PPP4R4: variants seen among roughly 807,000 people sequenced by gnomAD.
The protein encoded by PPP4R4 is protein phosphatase 4 regulatory subunit 4.
A neutral mutation model predicts 121.8 loss-of-function variants in PPP4R4; 70 were observed. The ratio of observed to expected loss-of-function variants is 0.57; its 90% CI spans 0.47 to 0.70. The LOEUF (loss-of-function observed/expected upper bound fraction) is 0.70. PPP4R4 is among the 30% of genes least tolerant of loss of function. The pLI is 0.00. For missense variants in PPP4R4, 875 were observed against 1,033.6 expected (o/e 0.85, Z 2.10); for synonymous variants, 348 against 355.7 (o/e 0.98, Z 0.24).
chr14:94,174,355 C>G lies in PPP4R4; in HGVS notation c.-111C>G, dbSNP rs1888536607. 1 of 1,013,702 alleles carries G rather than the reference C, an allele frequency of 9.9e-7. No homozygotes were observed. Among genetic ancestry groups the G allele is most frequent in the East Asian group, 3.5e-5 (1 of 28,932 alleles). 62.8% of individuals were successfully genotyped at this position (1,013,702 alleles called of 1,614,324 possible). Reference sequence around the variant, plus strand: ...CGCCGCCTGGCAGCCTCACGCTCGGCTCCAGCGGCCAAGAGCCGGAGAAAG... The same window carrying G: ...CGCCGCCTGGCAGCCTCACGCTCGGGTCCAGCGGCCAAGAGCCGGAGAAAG... On this transcript the variant is annotated 5_prime_UTR_variant, in exon 1 of 25. Transcript: ENST00000304338.
In PPP4R4 at chr14:94,255,460, G is replaced by A. The variant is rs150979426; in HGVS notation, c.1866-1000G>A. Among the ~76,000 whole-genome samples, 1,005 of 152,218 alleles carry A rather than the reference G, an allele frequency of 6.6e-3. 12 individuals carry two copies. Among genetic ancestry groups the A allele is most frequent in the African/African-American group, 0.022 (899 of 41,534 alleles). On this transcript the variant is annotated intron_variant, in intron 16 of 24. Coordinates refer to ENST00000304338, the MANE Select transcript of PPP4R4 (RefSeq NM_058237.2). ...AAAAATACAAAAAGAAATTAGCCAG[G>A]CATGGTGGCGGGCACCTGTAGTCCC...
chr14:94,257,054 T>C (rs994055508), intron 17 of PPP4R4, among the ~76,000 whole-genome samples: 1 of 152,172 alleles, frequency 6.6e-6, no homozygotes, highest in Admixed American at 6.5e-5. Context: ...AAATATTGTG[T>C]CTACTTGAGA....
intron 7 of PPP4R4, among the ~76,000 whole-genome samples, chr14:94,235,775 A>G (rs536505705): frequency 6.6e-6 from 1 of 152,158 alleles, no homozygotes; most frequent in Non-Finnish European, 1.5e-5. Flanking sequence ...ATAAGAACTG[A>G]TCTCATTTCA....
chr14:94,227,706 T>G (rs1229878223), intron 3 of PPP4R4: 3 of 1,018,098 alleles, frequency 2.9e-6, no homozygotes, highest in South Asian at 4.5e-5. Context: ...CTTTAATGAC[T>G]TTAAGAGGGG....
rs768053231 is a variant in PPP4R4, at chr14:94,269,657, GA to G, written c.2449+2640del. 1.7e-3 allele frequency among the ~76,000 whole-genome samples: 240 copies of G among 137,350 alleles called. 3 individuals are homozygous for G. The East Asian group carries it at 0.04, about 23-fold the overall frequency. The allele number at this position is 137,350 out of a possible 152,430, so 90.1% of individuals were successfully genotyped here. A position where few individuals can be genotyped will look rare whatever the true frequency, so the allele number is the denominator to read the frequency against. ...GAGAGAGAGCGAGACTCCATCTCCAGAAAAAAAAAAAACAAAAACAAAAACA... is the reference window on the plus strand; with the variant it reads ...GAGAGAGAGCGAGACTCCATCTCCAGAAAAAAAAAAACAAAAACAAAAACA... On this transcript the variant is annotated intron_variant, in intron 23 of 24. Coordinates refer to ENST00000304338, the MANE Select transcript of PPP4R4 (RefSeq NM_058237.2).
chr14:94,214,178 A>T (rs972853009), intron 3 of PPP4R4, among the ~76,000 whole-genome samples: 1 of 152,230 alleles, frequency 6.6e-6, no homozygotes, highest in Non-Finnish European at 1.5e-5. Context: ...AGACCAAGGG[A>T]ACATTGGCCT....
chr14:94,233,592 G>A, intron 5 of PPP4R4, 61 bp from the exon 6 acceptor site: 7 of 1,028,738 alleles, frequency 6.8e-6, no homozygotes, highest in Non-Finnish European at 1.0e-5. Context: ...AGGAATAGCT[G>A]ACATGAGTGG....
chr14:94,232,259 A>T (rs1892078186), intron 5 of PPP4R4, among the ~76,000 whole-genome samples: 1 of 152,188 alleles, frequency 6.6e-6, no homozygotes, highest in Non-Finnish European at 1.5e-5. Flanking sequence ...TTCTTTCCAA[A>T]TATGTCATGA....
chr14:94,184,964 G>C (rs530526383), intron 2 of PPP4R4, among the ~76,000 whole-genome samples: 143 of 152,144 alleles, frequency 9.4e-4, no homozygotes, highest in Non-Finnish European at 1.4e-3. Flanking sequence ...GGGGAATGAA[G>C]GTCATTATAC....
At chr14:94,255,429 T>G (rs1893415422) in intron 16 of PPP4R4, among the ~76,000 whole-genome samples, 1 of 152,066 alleles carries the variant, frequency 6.6e-6, no homozygotes, top group Non-Finnish European at 1.5e-5. Context: ...AAACCCTGTC[T>G]CTACTAAAAA....
At chr14:94,257,098 G>C (rs1893515383) in intron 17 of PPP4R4, among the ~76,000 whole-genome samples, 1 of 152,060 alleles carries the variant, frequency 6.6e-6, no homozygotes, top group South Asian at 2.1e-4. Flanking sequence ...AGGAGGACTA[G>C]AATAGAGACC....
rs1566675477 is a variant in PPP4R4 at position 94,231,334 on chromosome 14, C to A, written c.516+19C>A. 6.4e-7 allele frequency: 1 copy of A among 1,567,534 alleles called. No homozygotes were observed. Among genetic ancestry groups the A allele is most frequent in the South Asian group, 1.1e-5 (1 of 88,102 alleles). On this transcript the variant is annotated intron_variant, in intron 5 of 24. Transcript: ENST00000304338. ...GCATGAGGTAATACTTTCATGGGGG[C>A]AAATACTAATAAGTAAGTCACTCTA... is the stretch of plus-strand genomic sequence containing the variant.
intron 2 of PPP4R4, among the ~76,000 whole-genome samples, chr14:94,199,700 C>G (rs76586776): frequency 2.0e-5 from 3 of 152,078 alleles, no homozygotes; most frequent in Admixed American, 6.5e-5. Flanking sequence ...CTTAGCAGCC[C>G]GCGCTCTCCT....
At chr14:94,179,177 A>C (rs1297230672) in intron 2 of PPP4R4, among the ~76,000 whole-genome samples, 2 of 152,140 alleles carry the variant, frequency 1.3e-5, no homozygotes, top group Non-Finnish European at 2.9e-5. Flanking sequence ...ATTTTAGAAC[A>C]TTTCCATCAC....
At chr14:94,244,022 A>C (rs1239175958) in intron 11 of PPP4R4, among the ~76,000 whole-genome samples, 1 of 152,092 alleles carries the variant, frequency 6.6e-6, no homozygotes, top group African/African-American at 2.4e-5. Flanking sequence ...GTGTTTTAGA[A>C]AGAATAAGGT....
At chr14:94,192,540 GTGGCATC>G in intron 2 of PPP4R4, among the ~76,000 whole-genome samples, 1 of 152,276 alleles carries the variant, frequency 6.6e-6, no homozygotes, top group Non-Finnish European at 1.5e-5. Flanking sequence ...GCAAGGCTTT[GTGGCATC>G]TGCTTTATTG....
chr14:94,226,324 C>A (rs1334722277), intron 3 of PPP4R4, among the ~76,000 whole-genome samples: 3 of 152,042 alleles, frequency 2.0e-5, no homozygotes, highest in African/African-American at 7.2e-5. Context: ...TTTATGTGTA[C>A]CTCCTCATGA....
intron 2 of PPP4R4, among the ~76,000 whole-genome samples, chr14:94,182,784 T>C (rs1263107593): frequency 2.0e-5 from 3 of 152,214 alleles, no homozygotes; most frequent in Admixed American, 2.0e-4. Context: ...TTAGGTATCA[T>C]TATAGAAGCC....
At chr14:94,195,275 A>G (rs1889810257) in intron 2 of PPP4R4, among the ~76,000 whole-genome samples, 1 of 152,214 alleles carries the variant, frequency 6.6e-6, no homozygotes. Context: ...TTAGAAATCA[A>G]GTTCCCAGGC....
Sources: allele counts gnomAD v4.1 joint callset (sites outside exome capture counted in the v4.1 genomes callset), GRCh38; gene constraint gnomAD v4.1.1; transcripts MANE v1.5; gene names NCBI Gene and HGNC (gene_info 2026-07-23, HGNC 2026-07-21).